Variants in MEIKIN observed in about 807,000 individuals in gnomAD.
MEIKIN encodes meiosis-specific kinetochore protein.
chr5:131,824,439 G>T (rs1373517403), intron 11 of MEIKIN, among the ~76,000 whole-genome samples: 1 of 151,996 alleles, frequency 6.6e-6, no homozygotes, highest in African/African-American at 2.4e-5. Flanking sequence ...AGAATCACTT[G>T]AGCCCAAGAG....
At chr5:131,833,555 TG>T (rs1165466166) in intron 11 of MEIKIN, among the ~76,000 whole-genome samples, 1 of 152,152 alleles carries the variant, frequency 6.6e-6, no homozygotes, top group Non-Finnish European at 1.5e-5. Flanking sequence ...CCACATGGCT[TG>T]GGAGGCCTCA....
intron 8 of MEIKIN, among the ~76,000 whole-genome samples, chr5:131,881,429 C>T (rs972829026): frequency 9.9e-5 from 15 of 152,132 alleles, no homozygotes; most frequent in Non-Finnish European, 1.8e-4. Flanking sequence ...CTTTCCCTAC[C>T]TCTAAATGTT....
chr5:131,909,153 G>A (rs979412725), intron 8 of MEIKIN, among the ~76,000 whole-genome samples: 6 of 152,094 alleles, frequency 3.9e-5, no homozygotes, highest in African/African-American at 1.4e-4. Context: ...ATCACATTAC[G>A]TGACTTTAAA....
At chr5:131,921,304 G>T (rs899734414) in intron 6 of MEIKIN, among the ~76,000 whole-genome samples, 2 of 152,166 alleles carry the variant, frequency 1.3e-5, no homozygotes, top group African/African-American at 2.4e-5. Flanking sequence ...TTGAGGCCAG[G>T]AGTTTGAGAC....
intron 9 of MEIKIN, among the ~76,000 whole-genome samples, chr5:131,876,103 A>C (rs992075516): frequency 4.6e-5 from 7 of 152,230 alleles, no homozygotes; most frequent in Non-Finnish European, 7.3e-5. Flanking sequence ...TTCATGTCTA[A>C]AACACCAGAA....
chr5:131,881,626 CT>C (rs1319118179), intron 8 of MEIKIN, among the ~76,000 whole-genome samples: 3 of 152,162 alleles, frequency 2.0e-5, no homozygotes, highest in Non-Finnish European at 4.4e-5. Flanking sequence ...GACATCTCCA[CT>C]TGAAAGCTAA....
At chr5:131,886,331 A>G (rs1750794810) in intron 8 of MEIKIN, among the ~76,000 whole-genome samples, 2 of 152,172 alleles carry the variant, frequency 1.3e-5, no homozygotes, top group Non-Finnish European at 1.5e-5. Flanking sequence ...AACACCAAGA[A>G]TATTTAACCC....
intron 5 of MEIKIN, among the ~76,000 whole-genome samples, chr5:131,930,806 T>C (rs932962493): frequency 1.3e-5 from 2 of 152,224 alleles, no homozygotes; most frequent in African/African-American, 2.4e-5. Context: ...AGTTCAGTGA[T>C]AGTATTCTTC....
At chr5:131,908,484 G>C (rs964510057) in intron 8 of MEIKIN, among the ~76,000 whole-genome samples, 2 of 152,062 alleles carry the variant, frequency 1.3e-5, no homozygotes, top group East Asian at 1.9e-4. Context: ...TACTAAATGG[G>C]GAAAAACTGA....
intron 8 of MEIKIN, among the ~76,000 whole-genome samples, chr5:131,899,582 T>C (rs58016983): frequency 0.25 from 38,356 of 150,756 alleles, 5,106 homozygotes; most frequent in East Asian, 0.48. Context: ...TGATCTGTTT[T>C]CTTCAAGAAA....
intron 11 of MEIKIN, among the ~76,000 whole-genome samples, chr5:131,845,787 G>A (rs551018589): frequency 1.3e-5 from 2 of 152,196 alleles, no homozygotes; most frequent in Non-Finnish European, 2.9e-5. Flanking sequence ...CAGTGTAAGA[G>A]ACCTGTGGGA....
At chr5:131,823,052 C>G (rs1749547158) in intron 11 of MEIKIN, among the ~76,000 whole-genome samples, 1 of 150,380 alleles carries the variant, frequency 6.6e-6, no homozygotes, top group Non-Finnish European at 1.5e-5. Context: ...ACTGTAAAGT[C>G]TGCTGACAGA....
At chr5:131,831,448 T>G (rs1450214681) in intron 11 of MEIKIN, among the ~76,000 whole-genome samples, 1 of 152,154 alleles carries the variant, frequency 6.6e-6, no homozygotes, top group East Asian at 1.9e-4. Context: ...TCCTAGCTAC[T>G]CAGGAGGCTG....
chr5:131,876,166 G>C (rs566384351), intron 9 of MEIKIN, among the ~76,000 whole-genome samples: 2 of 152,274 alleles, frequency 1.3e-5, no homozygotes, highest in Admixed American at 1.3e-4. Flanking sequence ...AAACTAAAGA[G>C]ATTCGGCACA....
At chr5:131,892,042 C>T (rs988741903) in intron 8 of MEIKIN, among the ~76,000 whole-genome samples, 2 of 152,002 alleles carry the variant, frequency 1.3e-5, no homozygotes, top group African/African-American at 2.4e-5. Flanking sequence ...TGAATATTGG[C>T]CCCCACTCTC....
intron 4 of MEIKIN, among the ~76,000 whole-genome samples, chr5:131,935,465 C>T (rs1751762039): frequency 1.3e-5 from 2 of 151,958 alleles, no homozygotes; most frequent in Admixed American, 1.3e-4. Context: ...ATGATGGTGA[C>T]AGAACATAGT....
chr5:131,812,553 C>CA (rs1773015876), intron 12 of MEIKIN, among the ~76,000 whole-genome samples: 1 of 152,186 alleles, frequency 6.6e-6, no homozygotes. Flanking sequence ...AACCAAAAGG[C>CA]AGACACAATG....
At chr5:131,916,251 G>A (rs897243680) in intron 7 of MEIKIN, among the ~76,000 whole-genome samples, 1 of 152,084 alleles carries the variant, frequency 6.6e-6, no homozygotes, top group Admixed American at 6.5e-5. Context: ...AATTGTCACT[G>A]TCATTTACTG....
At chr5:131,824,940 C>G (rs1749585870) in intron 11 of MEIKIN, among the ~76,000 whole-genome samples, 1 of 151,944 alleles carries the variant, frequency 6.6e-6, no homozygotes. Context: ...AAACCCAGTA[C>G]TTTGAGAGGC....
Sources: allele counts gnomAD v4.1 joint callset (sites outside exome capture counted in the v4.1 genomes callset), GRCh38; gene constraint gnomAD v4.1.1; transcripts MANE v1.5; gene names NCBI Gene and HGNC (gene_info 2026-07-23, HGNC 2026-07-21).